Variants in TEX11 observed in about 807,000 individuals in gnomAD.
TEX11 encodes the protein testis expressed 11, also known as testis-expressed protein 11.
A neutral mutation model predicts 84.4 loss-of-function variants in TEX11; 7 were observed. That is an observed-to-expected ratio of 0.08 (90% CI 0.05 to 0.16). The LOEUF (loss-of-function observed/expected upper bound fraction) is 0.16, where lower values mean the gene tolerates loss of function less well. Among genes scored for constraint, TEX11 ranks in the 10% least tolerant of loss-of-function variants. The pLI is 1.00. For missense variants in TEX11, 551 were observed against 660.5 expected (o/e 0.83, Z 1.82); for synonymous variants, 264 against 222.8 (o/e 1.18, Z -1.64).
chrX:70,622,838 C>T (rs2089410293), intron 20 of TEX11, among the ~76,000 whole-genome samples: 1 of 111,853 alleles, frequency 8.9e-6, no homozygotes, highest in African/African-American at 3.2e-5. Flanking sequence ...AAATTCCAGA[C>T]ATCACATTAT....
intron 7 of TEX11, among the ~76,000 whole-genome samples, chrX:70,848,112 A>G (rs1439933871): frequency 9.0e-6 from 1 of 111,405 alleles, no homozygotes; most frequent in African/African-American, 3.3e-5. Context: ...ATCAATTCTA[A>G]ACACGATTAC....
chrX:70,671,882 T>G (rs946290096), intron 15 of TEX11, among the ~76,000 whole-genome samples: 222 of 14,653 alleles, frequency 0.015, no homozygotes, highest in African/African-American at 0.03. Context: ...ATTGTTTTGA[T>G]ATATATATAT....
rs193020093 is a variant in TEX11, at chrX:70,738,735, G to A, written c.843+1966C>T. Among the ~76,000 whole-genome samples the A allele has an allele frequency of 6.2e-5, 7 of 112,163 alleles. No homozygotes were observed. The East Asian group carries it at 2.0e-3, about 31-fold the overall frequency. Reference sequence around the variant, plus strand: ...CAATGATAGACTGGATAAAGAAAATGTGGCACATATACAGCATGGAATACT... The same window carrying A: ...CAATGATAGACTGGATAAAGAAAATATGGCACATATACAGCATGGAATACT... On this transcript the variant is annotated intron_variant, in intron 11 of 29. Transcript: ENST00000374333.
At chrX:70,774,298 T>A (rs1411266424) in intron 9 of TEX11, among the ~76,000 whole-genome samples, 1 of 106,719 alleles carries the variant, frequency 9.4e-6, no homozygotes. Context: ...AACTGGAAGC[T>A]TTTCTTCCAA....
chrX:70,861,150 C>T (rs1430046511), intron 4 of TEX11, among the ~76,000 whole-genome samples: 1 of 100,652 alleles, frequency 9.9e-6, no homozygotes, highest in Non-Finnish European at 2.0e-5. Flanking sequence ...CAAGCTCCGC[C>T]TCCCGGGTTC....
At chrX:70,821,510 G>A (rs909794052) in intron 8 of TEX11, among the ~76,000 whole-genome samples, 1 of 111,685 alleles carries the variant, frequency 9.0e-6, no homozygotes, top group African/African-American at 3.3e-5. Flanking sequence ...AGCCATGTAG[G>A]ATGCGCCAGC....
At chrX:70,544,845 A>AC (rs1569317922) in intron 28 of TEX11, among the ~76,000 whole-genome samples, 7 of 103,406 alleles carry the variant, frequency 6.8e-5, no homozygotes, top group Non-Finnish European at 1.2e-4. Flanking sequence ...TCAAAAAAAA[A>AC]AAAAAAAAAA....
intron 9 of TEX11, among the ~76,000 whole-genome samples, chrX:70,795,264 A>G (rs757756638): frequency 7.4e-4 from 81 of 109,675 alleles, no homozygotes; most frequent in Non-Finnish European, 1.3e-3. Context: ...AGAGGAGGGA[A>G]GAGTAGAAAA....
chrX:70,604,114 C>G (rs2089167312), intron 24 of TEX11, among the ~76,000 whole-genome samples: 1 of 111,535 alleles, frequency 9.0e-6, no homozygotes, highest in Non-Finnish European at 1.9e-5. Flanking sequence ...TAGTTAGAAA[C>G]AAACAAAATA....
At chrX:70,548,592 G>T (rs1038855443) in intron 28 of TEX11, among the ~76,000 whole-genome samples, 2 of 111,037 alleles carry the variant, frequency 1.8e-5, no homozygotes, top group Non-Finnish European at 3.8e-5. Flanking sequence ...GCGAATCTGT[G>T]TGCTTGTGGA....
intron 25 of TEX11, among the ~76,000 whole-genome samples, chrX:70,567,461 TG>T (rs999598373): frequency 2.7e-5 from 3 of 111,045 alleles, no homozygotes; most frequent in African/African-American, 9.8e-5. Context: ...TGAATGTGTT[TG>T]CTCTTGCTTT....
chrX:70,679,813 C>G (rs1200576079), intron 14 of TEX11, among the ~76,000 whole-genome samples: 1 of 102,021 alleles, frequency 9.8e-6, no homozygotes, highest in Non-Finnish European at 2.0e-5. Flanking sequence ...CCAGCCGCCC[C>G]GTCCGGGAGG....
chrX:70,745,316 C>T (rs1290986900), intron 9 of TEX11, among the ~76,000 whole-genome samples: 2 of 110,251 alleles, frequency 1.8e-5, no homozygotes, highest in South Asian at 3.9e-4. Flanking sequence ...GTTTCAAAAC[C>T]TAATACCTAC....
intron 11 of TEX11, among the ~76,000 whole-genome samples, chrX:70,727,372 A>C (rs2090607347): frequency 1.8e-5 from 2 of 111,921 alleles, no homozygotes; most frequent in African/African-American, 6.5e-5. Context: ...AAACATATGT[A>C]TATGCAATGT....
intron 28 of TEX11, among the ~76,000 whole-genome samples, chrX:70,549,130 T>C (rs527424428): frequency 1.8e-5 from 2 of 111,376 alleles, no homozygotes; most frequent in Admixed American, 1.9e-4. Flanking sequence ...CAGGACCTAG[T>C]TCCCAGATAA....
At chrX:70,654,024 T>A (rs188393589) in intron 16 of TEX11, among the ~76,000 whole-genome samples, 6 of 111,607 alleles carry the variant, frequency 5.4e-5, no homozygotes, top group South Asian at 3.8e-4. Context: ...TTGACACTAG[T>A]TCAGTGAGAG....
downstream of TEX11, among the ~76,000 whole-genome samples, chrX:70,526,082 G>A (rs1288212547): frequency 1.8e-5 from 2 of 111,893 alleles, no homozygotes; most frequent in Non-Finnish European, 3.8e-5. Flanking sequence ...CAAAGGGGCA[G>A]CCTCTTGGTC....
intron 9 of TEX11, among the ~76,000 whole-genome samples, chrX:70,794,342 T>C (rs945262861): frequency 6.3e-5 from 7 of 111,772 alleles, no homozygotes; most frequent in African/African-American, 2.3e-4. Context: ...ATTCCAGTAA[T>C]TGGAACTTGA....
At chrX:70,863,185 C>A (rs762933466) in intron 4 of TEX11, among the ~76,000 whole-genome samples, 1 of 111,857 alleles carries the variant, frequency 8.9e-6, no homozygotes, top group East Asian at 2.8e-4. Context: ...CTGATCCTAA[C>A]AAGGAGGATC....
Sources: allele counts gnomAD v4.1 joint callset (sites outside exome capture counted in the v4.1 genomes callset), GRCh38; gene constraint gnomAD v4.1.1; transcripts MANE v1.5; gene names NCBI Gene and HGNC (gene_info 2026-07-23, HGNC 2026-07-21).